SEMA3A: variants seen among roughly 807,000 people sequenced by gnomAD.
SEMA3A encodes semaphorin-3A.
SEMA3A carries 29 observed loss-of-function variants against 97.9 expected under a neutral mutation model. That is an observed-to-expected ratio of 0.30 (90% CI 0.22 to 0.40). The LOEUF is 0.40. SEMA3A is among the 10% of genes least tolerant of loss of function. The pLI, the probability that SEMA3A is intolerant of heterozygous loss-of-function variation, is 1.00. For missense variants in SEMA3A, 763 were observed against 951.3 expected (o/e 0.80, Z 2.60); for synonymous variants, 321 against 323.7 (o/e 0.99, Z 0.09).
chr7:84,156,384 T>C (rs139587034), intron 1 of SEMA3A, among the ~76,000 whole-genome samples: 10 of 152,278 alleles, frequency 6.6e-5, no homozygotes, highest in African/African-American at 2.4e-4. Flanking sequence ...ATCATGAACC[T>C]CTGAAAGTGT....
chr7:84,351,801 T>C (rs761076939), intron 2 of SEMA3A, among the ~76,000 whole-genome samples: 26 of 151,934 alleles, frequency 1.7e-4, no homozygotes, highest in Non-Finnish European at 3.2e-4. Context: ...CTACGGAGTA[T>C]AACATTATGG....
At chr7:84,355,832 T>C (rs1380885476) in intron 2 of SEMA3A, among the ~76,000 whole-genome samples, 1 of 151,870 alleles carries the variant, frequency 6.6e-6, no homozygotes, top group Non-Finnish European at 1.5e-5. Flanking sequence ...GAAGAAAAGA[T>C]CTATTTGTAA....
chr7:84,009,905 CAAAAAAAAAAAAA>C (rs3074687), intron 9 of SEMA3A, among the ~76,000 whole-genome samples: 1 of 91,708 alleles, frequency 1.1e-5, no homozygotes, highest in South Asian at 4.5e-4. Flanking sequence ...ACACTGGTTA[CAAAAAAAAAAAAA>C]AAAAAAAAAA....
chr7:84,427,420 G>A (rs1804855383), intron 1 of SEMA3A, among the ~76,000 whole-genome samples: 2 of 151,640 alleles, frequency 1.3e-5, no homozygotes, highest in African/African-American at 2.4e-5. Context: ...AGGCTGAGGC[G>A]GGTAGATCAC....
intron 1 of SEMA3A, among the ~76,000 whole-genome samples, chr7:84,399,289 C>T (rs1803832255): frequency 8.5e-5 from 13 of 152,248 alleles, no homozygotes; most frequent in Middle Eastern, 3.4e-3. Context: ...AATGTGAGTC[C>T]CAACCTTCTT....
intron 1 of SEMA3A, among the ~76,000 whole-genome samples, chr7:84,141,294 C>T (rs1167791833): frequency 6.6e-6 from 1 of 152,122 alleles, no homozygotes; most frequent in East Asian, 1.9e-4. Context: ...ACTAGTCTCT[C>T]CAGCCTGTGC....
At chr7:84,488,317 T>TACACACACACACACACACAC (rs67659986) in intron 1 of SEMA3A, among the ~76,000 whole-genome samples, 1 of 145,672 alleles carries the variant, frequency 6.9e-6, no homozygotes, top group African/African-American at 2.6e-5. Context: ...TCTTCGTATA[T>TACACACACACACACACACAC]ACACACACAC....
chr7:84,255,551 C>G (rs1799699003), intron 3 of SEMA3A, among the ~76,000 whole-genome samples: 1 of 152,092 alleles, frequency 6.6e-6, no homozygotes, highest in Admixed American at 6.6e-5. Flanking sequence ...AATGGATAGT[C>G]TTTGGTGAGT....
chr7:84,308,981 C>T (rs1018602300), intron 2 of SEMA3A, among the ~76,000 whole-genome samples: 1 of 151,966 alleles, frequency 6.6e-6, no homozygotes, highest in Admixed American at 6.6e-5. Flanking sequence ...CCACACCCGG[C>T]TAACTTTTGT....
chr7:84,327,265 C>A (rs1422709098), intron 2 of SEMA3A, among the ~76,000 whole-genome samples: 2 of 151,518 alleles, frequency 1.3e-5, no homozygotes, highest in African/African-American at 4.8e-5. Flanking sequence ...TAATTCTAGG[C>A]CATTAGGTAT....
At chr7:84,222,832 T>C (rs1400240303) in intron 3 of SEMA3A, among the ~76,000 whole-genome samples, 1 of 151,922 alleles carries the variant, frequency 6.6e-6, no homozygotes, top group Non-Finnish European at 1.5e-5. Flanking sequence ...AATTTTGCTA[T>C]GTTGGTATCA....
chr7:84,040,162 A>G (rs1792083898), intron 6 of SEMA3A, among the ~76,000 whole-genome samples: 1 of 151,452 alleles, frequency 6.6e-6, no homozygotes, highest in Non-Finnish European at 1.5e-5. Context: ...CCTGCATTGA[A>G]TATTTCATAA....
chr7:84,407,462 T>C (rs1804128281), intron 1 of SEMA3A, among the ~76,000 whole-genome samples: 1 of 152,062 alleles, frequency 6.6e-6, no homozygotes, highest in South Asian at 2.1e-4. Flanking sequence ...AAAATGGTCA[T>C]ACTGCCCAAG....
At chr7:84,267,431 A>G (rs1417273341) in intron 3 of SEMA3A, among the ~76,000 whole-genome samples, 4 of 152,172 alleles carry the variant, frequency 2.6e-5, no homozygotes, top group African/African-American at 7.2e-5. Context: ...TTTGCCTGAC[A>G]ATAAGTAAAT....
intron 3 of SEMA3A, among the ~76,000 whole-genome samples, chr7:84,274,714 A>T (rs1163875180): frequency 6.6e-6 from 1 of 152,068 alleles, no homozygotes; most frequent in African/African-American, 2.4e-5. Context: ...TGCATGTGAT[A>T]AGCAGGGTGA....
intron 6 of SEMA3A, among the ~76,000 whole-genome samples, chr7:84,024,591 C>A (rs1300626895): frequency 6.6e-6 from 1 of 151,986 alleles, no homozygotes; most frequent in East Asian, 1.9e-4. Flanking sequence ...GAAAAAAAAT[C>A]AACTAGCCTC....
intron 1 of SEMA3A, among the ~76,000 whole-genome samples, chr7:84,427,450 C>A (rs956199584): frequency 3.3e-5 from 5 of 151,372 alleles, no homozygotes; most frequent in African/African-American, 1.2e-4. Context: ...AGTTTGAGAC[C>A]AGCCTGGCCA....
At chr7:84,094,445 T>A (rs916895685) in intron 4 of SEMA3A, among the ~76,000 whole-genome samples, 1 of 152,000 alleles carries the variant, frequency 6.6e-6, no homozygotes, top group Non-Finnish European at 1.5e-5. Context: ...TTAAAGAAAT[T>A]AAGGCCAATT....
intron 15 of SEMA3A, 58 bp downstream of exon 15, chr7:83,977,074 G>T: frequency 1.0e-6 from 1 of 963,930 alleles, no homozygotes; most frequent in Non-Finnish European, 1.5e-6. Context: ...GCATGAATAT[G>T]CATTATTATG....
Sources: gnomAD v4.1 joint callset for allele counts (sites outside exome capture counted in the v4.1 genomes callset) on GRCh38, gnomAD v4.1.1 for gene constraint, MANE v1.5 for transcripts, NCBI Gene and HGNC (gene_info 2026-07-23, HGNC 2026-07-21) for gene names.